Variants in SUCLA2 observed in about 807,000 individuals in gnomAD.
SUCLA2 encodes the protein succinate--CoA ligase [ADP-forming] subunit beta, mitochondrial.
Under a neutral mutation model 54.8 loss-of-function variants are expected in SUCLA2, and 30 were observed. The ratio of observed to expected loss-of-function variants is 0.55; its 90% confidence interval spans 0.41 to 0.74. SUCLA2 has a LOEUF of 0.74. Among genes scored for constraint, SUCLA2 ranks in the 30% least tolerant of loss-of-function variants. The pLI, the probability that SUCLA2 is intolerant of heterozygous loss-of-function variation, is 0.00. For missense variants in SUCLA2, 476 were observed against 562.9 expected (o/e 0.85, Z 1.56); for synonymous variants, 172 against 188.9 (o/e 0.91, Z 0.74).
At chr13:47,983,746 C>G (rs1950077245) in intron 4 of SUCLA2, among the ~76,000 whole-genome samples, 1 of 152,174 alleles carries the variant, frequency 6.6e-6, no homozygotes, top group Non-Finnish European at 1.5e-5. Context: ...GCCTCGGCCT[C>G]TCAAAGTGCT....
chr13:47,944,600 C>G (rs1949714431), intron 10 of SUCLA2, among the ~76,000 whole-genome samples: 1 of 152,166 alleles, frequency 6.6e-6, no homozygotes, highest in African/African-American at 2.4e-5. Context: ...CCTACTATCT[C>G]TCCCCTTTTC....
rs963222904 is a variant in SUCLA2, at chr13:47,951,353, C to T, written c.1108-1750G>A. Among the ~76,000 whole-genome samples the T allele has an allele frequency of 3.2e-5, 4 of 126,870 alleles. No homozygotes were observed. The Admixed American group carries it at 3.8e-4, about 12-fold the overall frequency. The allele number at this position is 126,870 out of a possible 152,430, so 83.2% of individuals were successfully genotyped here. ...AAGAAAAAGCCTCTAGTCCCTCAAT[C>T]CCTCTCTAATCTTCTACTCTATTAG... is the stretch of plus-strand genomic sequence containing the variant. On this transcript the variant is annotated intron_variant, in intron 8 of 10. Transcript: ENST00000646932.
At chr13:47,948,078 T>A (rs1264842107) in intron 10 of SUCLA2, among the ~76,000 whole-genome samples, 1 of 152,180 alleles carries the variant, frequency 6.6e-6, no homozygotes, top group East Asian at 1.9e-4. Flanking sequence ...AACAGTAATT[T>A]TTTTATACCA....
intron 6 of SUCLA2, among the ~76,000 whole-genome samples, chr13:47,955,678 C>T (rs1949815053): frequency 6.6e-6 from 1 of 152,142 alleles, no homozygotes; most frequent in African/African-American, 2.4e-5. Context: ...TGCTTAAACT[C>T]CTTGTACCAA....
rs1950128692 is a variant in SUCLA2, at chr13:47,988,976, T to C, written c.277A>G (p.Lys93Glu). The C allele has an allele frequency of 4.3e-6, 7 of 1,613,432 alleles. No individual in the cohort carries two copies. In the East Asian group the frequency reaches 1.6e-4, roughly 36 times the overall value. Reference protein sequence around the residue: ...AYAIAKKLGSKDVVIKAQVLA... With the variant: ...AYAIAKKLGSEDVVIKAQVLA... ...ACCTGTGCCTTTATCACGACATCTT[T>C]TGAACCTAGAAGAAAAACACTTCTA... The change falls in exon 3 of 11, where the codon AAA (lysine) becomes GAA (glutamate). Residue 93 changes from lysine (K) to glutamate (E), a missense_variant. Coordinates refer to ENST00000646932, the MANE Select transcript of SUCLA2 (RefSeq NM_003850.3).
intron 4 of SUCLA2, among the ~76,000 whole-genome samples, chr13:47,977,602 A>G (rs1950026744): frequency 6.6e-6 from 1 of 152,208 alleles, no homozygotes; most frequent in Admixed American, 6.5e-5. Context: ...TAACTCCTAG[A>G]ATACAAGGAT....
chr13:47,976,463 T>C (rs1950014265), intron 4 of SUCLA2, among the ~76,000 whole-genome samples: 1 of 152,164 alleles, frequency 6.6e-6, no homozygotes, highest in Admixed American at 6.5e-5. Flanking sequence ...CATTCCAGCT[T>C]CTTGGAGGGC....
In SUCLA2 at chr13:47,942,664, G is replaced by A. The variant is rs1304923769; in HGVS notation, c.*707C>T. 2 of 152,186 alleles carry A rather than the reference G, an allele frequency of 1.3e-5. No individual in the cohort carries two copies. The highest frequency in any genetic ancestry group is 2.1e-4 in the South Asian group (1 of 4,824). The allele number at this position is 152,186 out of a possible 1,614,324, so 9.4% of individuals were successfully genotyped here. On this transcript the variant is annotated 3_prime_UTR_variant, in exon 11 of 11. Coordinates refer to ENST00000646932, the MANE Select transcript of SUCLA2 (RefSeq NM_003850.3). ...AAAGCCATGAACCCAAATCATATTGGGAGATTTTTATTAACTTAAATTGAC... is the reference window on the plus strand; with the variant it reads ...AAAGCCATGAACCCAAATCATATTGAGAGATTTTTATTAACTTAAATTGAC...
intron 1 of SUCLA2, among the ~76,000 whole-genome samples, chr13:47,998,678 G>A (rs1950207511): frequency 6.6e-6 from 1 of 152,180 alleles, no homozygotes; most frequent in Admixed American, 6.5e-5. Context: ...TATTTTTATA[G>A]CGTTCAAAAC....
At chr13:47,973,544 C>T (rs1282736820) in intron 4 of SUCLA2, 152 bp from the exon 5 acceptor site, 4 of 752,014 alleles carry the variant, frequency 5.3e-6, no homozygotes, top group Non-Finnish European at 8.6e-6. Context: ...CTCACATCTC[C>T]AGCACAGTGC....
chr13:47,968,454 T>C lies in SUCLA2; in HGVS notation c.802+141A>G, dbSNP rs1183512904. ...TTAATGGGTTTAATATTTGTTCATA[T>C]TCATTCTATCTGATTTTTTTTTAAA... On this transcript the variant is annotated intron_variant, in intron 6 of 10. Transcript: ENST00000646932. 3 of 922,346 alleles carry C rather than the reference T, an allele frequency of 3.3e-6. No individual in the cohort carries two copies. In the East Asian group the frequency reaches 7.9e-5, roughly 24 times the overall value. 57.1% of individuals were successfully genotyped at this position (922,346 alleles called of 1,614,324 possible).
rs985896883 is a variant in SUCLA2 at position 47,988,881 on chromosome 13, C to T, written c.371+1G>A. The T allele has an allele frequency of 1.2e-6, 2 of 1,611,932 alleles. No individual in the cohort carries two copies. Among genetic ancestry groups the T allele is most frequent in the Non-Finnish European group, 1.7e-6 (2 of 1,179,764 alleles). ...ATTTTTCCTTAAAAAATGTGACTTA[C>T]GAGAAAACTATCTTCACTCCTCCTT... is the stretch of plus-strand genomic sequence containing the variant. On this transcript the variant is annotated splice_donor_variant, in intron 3 of 10. Coordinates refer to ENST00000646932, the MANE Select transcript of SUCLA2 (RefSeq NM_003850.3). LOFTEE classifies it high-confidence loss of function.
chr13:47,947,376 A>C (rs970677778), intron 10 of SUCLA2, among the ~76,000 whole-genome samples: 2 of 152,190 alleles, frequency 1.3e-5, no homozygotes, highest in Admixed American at 6.6e-5. Context: ...ATTGGACATA[A>C]TAGAACAAAC....
At position 47,975,234 on chromosome 13, in the gene SUCLA2, C is replaced by T. The variant is rs1355995275; in HGVS notation, c.535-1842G>A. Reference sequence around the variant, plus strand: ...GGAGTGAAATGATGCGATCTCAGCTCACTGCAACCTCCGCCCCCCAGGTTC... The same window carrying T: ...GGAGTGAAATGATGCGATCTCAGCTTACTGCAACCTCCGCCCCCCAGGTTC... On this transcript the variant is annotated intron_variant, in intron 4 of 10. Transcript: ENST00000646932. Among the ~76,000 whole-genome samples the T allele has an allele frequency of 2.6e-5, 4 of 151,398 alleles. No homozygotes were observed. The Admixed American group carries it at 2.6e-4, about 10-fold the overall frequency.
chr13:47,974,688 C>G (rs1470101192), intron 4 of SUCLA2, among the ~76,000 whole-genome samples: 1 of 152,110 alleles, frequency 6.6e-6, no homozygotes, highest in Non-Finnish European at 1.5e-5. Flanking sequence ...GGTATCAATA[C>G]TAACAATTAT....
intron 4 of SUCLA2, chr13:47,987,600 ACTTC>A (rs1950113628): frequency 1.3e-5 from 2 of 152,224 alleles, no homozygotes; most frequent in Admixed American, 1.3e-4. Flanking sequence ...CTTTAGAAAT[ACTTC>A]CTTATAAAAA....
At chr13:47,993,520 C>T (rs1950166176) in intron 2 of SUCLA2, among the ~76,000 whole-genome samples, 1 of 152,082 alleles carries the variant, frequency 6.6e-6, no homozygotes, top group East Asian at 1.9e-4. Context: ...GTAAAACTTG[C>T]CTACAGGACA....
At chr13:47,973,875 T>G (rs1772371378) in intron 4 of SUCLA2, among the ~76,000 whole-genome samples, 1 of 151,816 alleles carries the variant, frequency 6.6e-6, no homozygotes. Flanking sequence ...CACTCGTAAG[T>G]GGGAACTGAA....
intron 6 of SUCLA2, among the ~76,000 whole-genome samples, chr13:47,964,977 T>A (rs1379214270): frequency 1.5e-5 from 1 of 65,878 alleles, no homozygotes; most frequent in Non-Finnish European, 2.8e-5. Flanking sequence ...TAATTTTTCA[T>A]TTATTTAAAA....
Sources: allele counts gnomAD v4.1 joint callset (sites outside exome capture counted in the v4.1 genomes callset), GRCh38; gene constraint gnomAD v4.1.1; transcripts MANE v1.5; gene names NCBI Gene and HGNC (gene_info 2026-07-23, HGNC 2026-07-21).